UGT2B28: variants seen among roughly 807,000 people sequenced by gnomAD.
The protein encoded by UGT2B28 is UDP glucuronosyltransferase family 2 member B28.
Under a neutral mutation model 43.6 loss-of-function variants are expected in UGT2B28, and 45 were observed. That is an observed-to-expected ratio of 1.03 (90% CI 0.81 to 1.32). The LOEUF (loss-of-function observed/expected upper bound fraction) is 1.32, where lower values mean the gene tolerates loss of function less well. UGT2B28 is among the 40% of genes most tolerant of loss of function. UGT2B28 has a pLI of 0.00. For missense variants in UGT2B28, 649 were observed against 625.5 expected (o/e 1.04, Z -0.40); for synonymous variants, 204 against 208.1 (o/e 0.98, Z 0.17).
At chr4:69,294,400 C>T (rs1485958175) in intron 5 of UGT2B28, 130 bp from the exon 6 acceptor site, 12 of 1,015,680 alleles carry the variant, frequency 1.2e-5, no homozygotes, top group Non-Finnish European at 1.5e-5. Context: ...AATTAAAATA[C>T]ACAAATTCTC....
At chr4:69,283,930 T>C (rs1229276731) in intron 2 of UGT2B28, among the ~76,000 whole-genome samples, 2 of 140,916 alleles carry the variant, frequency 1.4e-5, no homozygotes, top group Non-Finnish European at 3.0e-5. Context: ...GGATCTTCAC[T>C]AGTATTCGAG....
At chr4:69,288,836 C>T (rs1192622045) in intron 3 of UGT2B28, among the ~76,000 whole-genome samples, 5 of 140,544 alleles carry the variant, frequency 3.6e-5, no homozygotes, top group Non-Finnish European at 7.6e-5. Flanking sequence ...AAAGTGAGGA[C>T]ATGTCACATT....
chr4:69,286,412 T>C (rs1723776508), intron 2 of UGT2B28, among the ~76,000 whole-genome samples: 1 of 140,456 alleles, frequency 7.1e-6, no homozygotes, highest in African/African-American at 2.8e-5. Flanking sequence ...TCCAAGAACT[T>C]ATATTAGTAA....
intron 5 of UGT2B28, among the ~76,000 whole-genome samples, 155 bp downstream of exon 5, chr4:69,290,966 T>A (rs1282852851): frequency 7.1e-6 from 1 of 140,584 alleles, no homozygotes; most frequent in Non-Finnish European, 1.5e-5. Context: ...TATCTGTTAT[T>A]TAAAAATTGT....
At chr4:69,281,504 A>C (rs1723609734) in intron 1 of UGT2B28, among the ~76,000 whole-genome samples, 1 of 140,950 alleles carries the variant, frequency 7.1e-6, no homozygotes. Flanking sequence ...CTGTTTTACT[A>C]TATAATGTTT....
intron 3 of UGT2B28, among the ~76,000 whole-genome samples, chr4:69,287,623 G>A (rs1384992442): frequency 7.2e-6 from 1 of 139,540 alleles, no homozygotes; most frequent in Non-Finnish European, 1.5e-5. Context: ...TATAAAATAT[G>A]GTCCCACAAG....
At position 69,282,461 on chromosome 4, in the gene UGT2B28, T is replaced by C. The variant is rs1577991721; in HGVS notation, c.722-53T>C. 2.0e-6 allele frequency: 3 copies of C among 1,499,692 alleles called. 1 individual carries two copies. Among genetic ancestry groups the C allele is most frequent in the East Asian group, 4.8e-5 (2 of 41,930 alleles). 92.9% of individuals were successfully genotyped at this position (1,499,692 alleles called of 1,614,324 possible). On this transcript the variant is annotated intron_variant, in intron 1 of 5. Coordinates refer to ENST00000335568, the MANE Select transcript of UGT2B28 (RefSeq NM_053039.2). ...AATTCTAACCCCTTTCAGAAAGTTA[T>C]GTAAAGTAATTATCTTACATCATCC...
chr4:69,281,356 C>G, intron 1 of UGT2B28, 135 bp downstream of exon 1: 2 of 1,101,294 alleles, frequency 1.8e-6, no homozygotes, highest in South Asian at 4.5e-5. Flanking sequence ...ACAAGATGAT[C>G]TATCAATCTC....
In UGT2B28 at chr4:69,286,786, A is replaced by G; in HGVS notation, c.905A>G (p.Asn302Ser). ...MEEFVQSSGE[N>S]GVVVFSLGSV... ...GAATTTGTACAGAGCTCTGGTGAAA[A>G]TGGTGTTGTGGTGTTTTCTCTGGGG... The change falls in exon 3 of 6, where the codon AAT becomes AGT. Residue 302 changes from asparagine to serine, a missense_variant. Asn to Ser is a conservative substitution (Grantham distance 46). Coordinates refer to ENST00000335568, the MANE Select transcript of UGT2B28 (RefSeq NM_053039.2). 1 of 1,555,782 alleles carries G rather than the reference A, an allele frequency of 6.4e-7. No homozygotes were observed.
rs1724047572 is a variant in UGT2B28, at chr4:69,294,571, A to G, written c.1352A>G (p.Asp451Gly). The G allele has an allele frequency of 1.9e-6, 3 of 1,551,148 alleles. No homozygotes were observed. The highest frequency in any genetic ancestry group is 2.6e-6 in the Non-Finnish European group (3 of 1,151,948). Residue 451 changes from aspartate to glycine, a missense_variant, in exon 6 of 6, where the codon GAT (aspartate) becomes GGT (glycine). Transcript: ENST00000335568. Reference protein sequence around the residue: ...NVMKLSIIQHDQPVKPLHRAV... With the variant: ...NVMKLSIIQHGQPVKPLHRAV... ...ATGAAATTATCAATAATTCAACATG[A>G]TCAACCAGTAAAGCCCCTGCATCGA...
chr4:69,294,692 G>A lies in UGT2B28; in HGVS notation c.1473G>A (p.Leu491=), dbSNP rs1426080999. The change falls in exon 6 of 6, where the codon TTG becomes TTA. Residue 491 remains leucine (L), a synonymous_variant. Transcript: ENST00000335568. The part of the protein sequence containing the change: ...RDLTWFQYHS[L]DVIGFLLACV... ...TCACCTGGTTCCAGTACCACTCTTT[G>A]GATGTGATTGGGTTTCTGCTGGCCT... The A allele has an allele frequency of 1.3e-6, 2 of 1,559,948 alleles. No individual in the cohort carries two copies. The highest frequency in any genetic ancestry group is 3.6e-5 in the Admixed American group (2 of 56,296).
intron 4 of UGT2B28, among the ~76,000 whole-genome samples, 170 bp from the exon 5 acceptor site, chr4:69,290,422 A>C (rs559701649): frequency 1.4e-5 from 2 of 140,410 alleles, no homozygotes; most frequent in Non-Finnish European, 3.0e-5. Context: ...CACCACGGAG[A>C]CTTCAATTAC....
Position 69,282,501 on chromosome 4 carries a change from T to A in UGT2B28, c.722-13T>A. 3 of 1,537,170 alleles carry A rather than the reference T, an allele frequency of 2.0e-6. 1 individual carries two copies. In the African/African-American group the frequency reaches 4.7e-5, roughly 24 times the overall value. ...TTACATCATCCACTTTTTCTTTTCT[T>A]TATTCCTGTCAGGAAGACCCACTAC... On this transcript the variant is annotated splice_polypyrimidine_tract_variant and intron_variant, in intron 1 of 5. Transcript: ENST00000335568.
intron 3 of UGT2B28, among the ~76,000 whole-genome samples, chr4:69,287,574 A>T (rs1170342252): frequency 7.1e-6 from 1 of 140,568 alleles, no homozygotes. Context: ...AAGAGAAAGG[A>T]TGGAGATGGA....
At chr4:69,289,443 C>A (rs1723880197) in intron 3 of UGT2B28, among the ~76,000 whole-genome samples, 1 of 140,396 alleles carries the variant, frequency 7.1e-6, no homozygotes, top group African/African-American at 2.8e-5. Context: ...CATTGATAAT[C>A]TTATTTTTCT....
rs1348670082 is a variant in UGT2B28 at position 69,294,483 on chromosome 4, C to T, written c.1311-47C>T. ...CTTTCATAGACTTGATACATACAGGCCAGTTAACTTACTTTCAGTGTTGGT... is the reference window on the plus strand; with the variant it reads ...CTTTCATAGACTTGATACATACAGGTCAGTTAACTTACTTTCAGTGTTGGT... On this transcript the variant is annotated intron_variant, in intron 5 of 5. Coordinates refer to ENST00000335568, the MANE Select transcript of UGT2B28 (RefSeq NM_053039.2). The T allele has an allele frequency of 4.8e-6, 7 of 1,472,534 alleles. 2 individuals are homozygous for T. Among genetic ancestry groups the T allele is most frequent in the Non-Finnish European group, 6.3e-6 (7 of 1,108,694 alleles). The allele number at this position is 1,472,534 out of a possible 1,614,324, so 91.2% of individuals were successfully genotyped here. A position where few individuals can be genotyped will look rare whatever the true frequency, so the allele number is the denominator to read the frequency against.
Position 69,281,596 on chromosome 4 carries a change from A to G in UGT2B28, c.721+375A>G, listed in dbSNP as rs1436430815. ...AGAATGAGTAATTACACATTTTTCTACAACTATCTATATAACTGCAGAAAG... is the reference window on the plus strand; with the variant it reads ...AGAATGAGTAATTACACATTTTTCTGCAACTATCTATATAACTGCAGAAAG... On this transcript the variant is annotated intron_variant, in intron 1 of 5. Coordinates refer to ENST00000335568, the MANE Select transcript of UGT2B28 (RefSeq NM_053039.2). 7.1e-5 allele frequency among the ~76,000 whole-genome samples: 10 copies of G among 141,262 alleles called. 1 individual carries two copies. The highest frequency in any genetic ancestry group is 4.0e-4 in the East Asian group (2 of 4,948). 92.7% of individuals were successfully genotyped at this position (141,262 alleles called of 152,430 possible).
Position 69,281,016 on chromosome 4 carries a change from C to T in UGT2B28, c.516C>T (p.Leu172=), listed in dbSNP as rs1173033523. ...TTAACATACCGTTTGTGTACAGTCT[C>T]TGCTTCACTCCTGGCTACACAATTG... ...ALLNIPFVYS[L]CFTPGYTIER... The change falls in exon 1 of 6, where the codon CTC becomes CTT. Residue 172 remains leucine, a synonymous_variant. Transcript: ENST00000335568. 2.6e-6 allele frequency: 4 copies of T among 1,559,668 alleles called. 1 individual carries two copies. The highest frequency in any genetic ancestry group is 3.5e-6 in the Non-Finnish European group (4 of 1,155,374).
Position 69,294,810 on chromosome 4 carries a change from T to C in UGT2B28, c.*1T>C. 6.5e-7 allele frequency: 1 copy of C among 1,546,884 alleles called. No homozygotes were observed. Among genetic ancestry groups the C allele is most frequent in the Non-Finnish European group, 8.7e-7 (1 of 1,149,706 alleles). On this transcript the variant is annotated 3_prime_UTR_variant, in exon 6 of 6. Coordinates refer to ENST00000335568, the MANE Select transcript of UGT2B28 (RefSeq NM_053039.2). ...AGGGAAGAAGGGAAAAAGAGATTAGTTATGTCTGACATTTGAAGCTGGAAA... is the reference window on the plus strand; with the variant it reads ...AGGGAAGAAGGGAAAAAGAGATTAGCTATGTCTGACATTTGAAGCTGGAAA...
Sources: gnomAD v4.1 joint callset for allele counts (sites outside exome capture counted in the v4.1 genomes callset) on GRCh38, gnomAD v4.1.1 for gene constraint, MANE v1.5 for transcripts, NCBI Gene and HGNC (gene_info 2026-07-23, HGNC 2026-07-21) for gene names.